Variants in BACH2 observed in about 807,000 individuals in gnomAD.
BACH2 encodes transcription regulator protein BACH2.
BACH2 carries 5 observed loss-of-function variants against 61.8 expected under a neutral mutation model. The ratio of observed to expected loss-of-function variants is 0.08; its 90% CI spans 0.04 to 0.17. BACH2 has a LOEUF of 0.17. Among genes scored for constraint, BACH2 ranks in the 10% least tolerant of loss-of-function variants. BACH2 has a pLI of 1.00. For missense variants in BACH2, 824 were observed against 1,091.1 expected, an observed-to-expected ratio of 0.76 and a Z score of 3.45; for synonymous variants, 446 against 440.1, an observed-to-expected ratio of 1.01 and a Z score of -0.17.
rs549015938 is a variant in BACH2, at chr6:89,948,363, C to T, written c.1836+1907G>A. 1.7e-4 allele frequency among the ~76,000 whole-genome samples: 26 copies of T among 152,176 alleles called. 1 individual carries two copies. The highest frequency in any genetic ancestry group is 2.4e-4 in the African/African-American group (10 of 41,502). On this transcript the variant is annotated intron_variant, in intron 7 of 8. Transcript: ENST00000257749. ...CTGGGACTACTGGCACGAGCCACCA[C>T]GCCTGGCTATTTTTTTATATTTTTG...
chr6:90,150,337 C>T (rs1449451369), intron 4 of BACH2, among the ~76,000 whole-genome samples: 1 of 152,210 alleles, frequency 6.6e-6, no homozygotes, highest in African/African-American at 2.4e-5. Context: ...AATGGATAAA[C>T]CCTCCTCAAT....
At chr6:90,122,582 T>C (rs955444161) in intron 4 of BACH2, among the ~76,000 whole-genome samples, 2 of 152,230 alleles carry the variant, frequency 1.3e-5, no homozygotes, top group African/African-American at 4.8e-5. Flanking sequence ...AGACTTACTA[T>C]GACATTTTAA....
At chr6:89,969,582 A>C (rs1775246729) in intron 6 of BACH2, among the ~76,000 whole-genome samples, 1 of 152,150 alleles carries the variant, frequency 6.6e-6, no homozygotes, top group African/African-American at 2.4e-5. Context: ...TTGTCCTTCA[A>C]ATATTGTGAC....
At chr6:90,100,706 C>CACACATAAACACACACACAG (rs1463218195) in intron 4 of BACH2, among the ~76,000 whole-genome samples, 1 of 143,172 alleles carries the variant, frequency 7.0e-6, no homozygotes, top group Non-Finnish European at 1.5e-5. Flanking sequence ...CACACAGACA[C>CACACATAAACACACACACAG]ACACACACAC....
At chr6:90,004,149 C>T (rs1438225413) in intron 6 of BACH2, among the ~76,000 whole-genome samples, 3 of 152,196 alleles carry the variant, frequency 2.0e-5, no homozygotes, top group Admixed American at 1.3e-4. Context: ...TCCTTGTTGG[C>T]ATCTGTGCTT....
At chr6:90,182,187 C>T (rs1334008122) in intron 4 of BACH2, among the ~76,000 whole-genome samples, 1 of 152,182 alleles carries the variant, frequency 6.6e-6, no homozygotes, top group Non-Finnish European at 1.5e-5. Flanking sequence ...TGCTAAGTAA[C>T]TCTTATTGAT....
chr6:89,953,769 G>C (rs1774259877), intron 6 of BACH2, among the ~76,000 whole-genome samples: 1 of 152,170 alleles, frequency 6.6e-6, no homozygotes, highest in African/African-American at 2.4e-5. Context: ...AGTATGTTTA[G>C]AGAGTGTTGT....
In BACH2 at chr6:90,165,789, G is replaced by A. The variant is rs186024195; in HGVS notation, c.-162+40780C>T. On this transcript the variant is annotated intron_variant, in intron 4 of 8. Coordinates refer to ENST00000257749, the MANE Select transcript of BACH2 (RefSeq NM_021813.4). The stretch of plus-strand genomic sequence containing the variant: ...ACCATCTGATCTTTGACAAGCCTGA[G>A]AAAAACAAGAAATAGGGAAAGGATT... Among the ~76,000 whole-genome samples, 512 of 152,194 alleles carry A rather than the reference G, an allele frequency of 3.4e-3. 9 individuals are homozygous for A. Among genetic ancestry groups the A allele is most frequent in the South Asian group, 0.033 (161 of 4,816 alleles).
chr6:90,271,145 C>T (rs1329954868), intron 2 of BACH2, among the ~76,000 whole-genome samples: 1 of 151,992 alleles, frequency 6.6e-6, no homozygotes, highest in African/African-American at 2.4e-5. Flanking sequence ...AAAAACTCTT[C>T]TAGACATTGG....
chr6:89,934,375 G>A (rs1772876607), intron 8 of BACH2, among the ~76,000 whole-genome samples: 1 of 152,166 alleles, frequency 6.6e-6, no homozygotes, highest in Non-Finnish European at 1.5e-5. Flanking sequence ...TTTGTGAGAA[G>A]GGGGCTGGGC....
chr6:90,119,836 T>C (rs998947605), intron 4 of BACH2, among the ~76,000 whole-genome samples: 14 of 152,220 alleles, frequency 9.2e-5, no homozygotes, highest in African/African-American at 3.4e-4. Flanking sequence ...CTAGATAATT[T>C]TGAAGCTCAA....
chr6:89,970,530 CATA>C (rs1775299053), intron 6 of BACH2, among the ~76,000 whole-genome samples: 1 of 152,304 alleles, frequency 6.6e-6, no homozygotes, highest in Non-Finnish European at 1.5e-5. Flanking sequence ...TTCAAAAAAA[CATA>C]ATATCAGGTG....
chr6:89,980,072 C>T (rs1775866165), intron 6 of BACH2, among the ~76,000 whole-genome samples: 2 of 152,090 alleles, frequency 1.3e-5, no homozygotes, highest in Non-Finnish European at 2.9e-5. Context: ...GTAGGCGGAT[C>T]ACCTGAGAGG....
intron 4 of BACH2, among the ~76,000 whole-genome samples, chr6:90,102,377 G>C (rs1439364423): frequency 6.6e-6 from 1 of 152,042 alleles, no homozygotes; most frequent in Non-Finnish European, 1.5e-5. Flanking sequence ...CTGTTTAAAG[G>C]GGTATCATTC....
intron 1 of BACH2, among the ~76,000 whole-genome samples, chr6:90,295,761 C>G (rs1369595355): frequency 2.0e-5 from 3 of 152,038 alleles, no homozygotes; most frequent in African/African-American, 7.3e-5. Context: ...GCCCTTAGGT[C>G]TTAGCTACGC....
At chr6:90,120,261 T>C (rs958837257) in intron 4 of BACH2, among the ~76,000 whole-genome samples, 1 of 152,198 alleles carries the variant, frequency 6.6e-6, no homozygotes, top group Non-Finnish European at 1.5e-5. Flanking sequence ...ACCACTCTCA[T>C]GGGATGAAAT....
intron 5 of BACH2, among the ~76,000 whole-genome samples, chr6:90,038,193 T>C (rs1779356548): frequency 6.6e-6 from 1 of 152,202 alleles, no homozygotes; most frequent in Admixed American, 6.5e-5. Context: ...AAGTGTAATT[T>C]ACATGCAGAA....
intron 6 of BACH2, among the ~76,000 whole-genome samples, chr6:89,979,699 A>T (rs1391876273): frequency 6.6e-6 from 1 of 152,254 alleles, no homozygotes; most frequent in Non-Finnish European, 1.5e-5. Flanking sequence ...TCATTGAACA[A>T]ACCGAAACAA....
At chr6:90,123,639 G>A (rs1340035732) in intron 4 of BACH2, among the ~76,000 whole-genome samples, 2 of 150,624 alleles carry the variant, frequency 1.3e-5, no homozygotes, top group South Asian at 2.1e-4. Context: ...GCGTAGTGGC[G>A]GGCGCCTGTA....
Sources: allele counts gnomAD v4.1 joint callset (sites outside exome capture counted in the v4.1 genomes callset), GRCh38; gene constraint gnomAD v4.1.1; transcripts MANE v1.5; gene names NCBI Gene and HGNC (gene_info 2026-07-23, HGNC 2026-07-21).